Variants in NCAN observed in about 807,000 individuals in gnomAD.
NCAN encodes neurocan.
NCAN carries 47 observed loss-of-function variants against 121.8 expected under a neutral mutation model. The ratio of observed to expected loss-of-function variants is 0.39; its 90% CI spans 0.31 to 0.49. NCAN has a LOEUF of 0.49. Ranked by LOEUF, NCAN falls within the 20% of genes least tolerant of loss-of-function variation. The pLI is 0.92. For synonymous variants in NCAN, 633 were observed against 702.0 expected, an observed-to-expected ratio of 0.90 and a Z score of 1.55; for missense variants, 1,517 against 1,773.4, an observed-to-expected ratio of 0.86 and a Z score of 2.60.
chr19:19,249,045 TTGTGTGTGTGTGTGTGTGTG>T lies in NCAN; in HGVS notation c.3820+179_3820+198del, dbSNP rs112544518. ...CCAGCCTGTCTGATGTTTCCTTCAT[TTGTGTGTGTGTGTGTGTGTG>T]TGTGTGTGTGTGTGTATGTGTATGA... is the stretch of plus-strand genomic sequence containing the variant. On this transcript the variant is annotated intron_variant, in intron 14 of 14. Coordinates refer to ENST00000252575, the MANE Select transcript of NCAN (RefSeq NM_004386.3). 34 of 549,400 alleles carry T rather than the reference TTGTGTGTGTGTGTGTGTGTG, an allele frequency of 6.2e-5. No individual in the cohort carries two copies. The East Asian group carries it at 8.7e-4, about 14-fold the overall frequency. 34.0% of individuals were successfully genotyped at this position (549,400 alleles called of 1,614,324 possible).
At position 19,228,558 on chromosome 19, in the gene NCAN, G is replaced by T. The variant is rs1459975912; in HGVS notation, c.2938G>T (p.Val980Leu). 2 of 1,613,168 alleles carry T rather than the reference G, an allele frequency of 1.2e-6. No individual in the cohort carries two copies. Among genetic ancestry groups the T allele is most frequent in the East Asian group, 2.2e-5 (1 of 44,882 alleles). ...GGAGGTCCTGGCAGGGAGCCCGGGT[G>T]TAGAGAGCTTCTGGGAGGAGGTGGC... ...ELEVLAGSPG[V>L]ESFWEEVASG... is the part of the protein sequence containing the mutation. Residue 980 changes from valine (V) to leucine (L), a missense_variant, in exon 8 of 15, where the codon GTA becomes TTA. Val to Leu is a conservative substitution (Grantham distance 32). Transcript: ENST00000252575.
rs1413243789 is a variant in NCAN at position 19,235,583 on chromosome 19, A to T, written c.3250+487A>T. Among the ~76,000 whole-genome samples, 547 of 123,424 alleles carry T rather than the reference A, an allele frequency of 4.4e-3. 3 individuals are homozygous for T. The highest frequency in any genetic ancestry group is 0.015 in the African/African-American group (487 of 32,272). The allele number at this position is 123,424 out of a possible 152,430, so 81.0% of individuals were successfully genotyped here. A position where few individuals can be genotyped will look rare whatever the true frequency, so the allele number is the denominator to read the frequency against. On this transcript the variant is annotated intron_variant, in intron 10 of 14. Transcript: ENST00000252575. ...CACTGCGCCTGCCCTATTTTATTTTATTTTTTTTTTTTGAGACAGAGTCTC... is the reference window on the plus strand; with the variant it reads ...CACTGCGCCTGCCCTATTTTATTTTTTTTTTTTTTTTTGAGACAGAGTCTC...
rs1368286698 is a variant in NCAN at position 19,218,936 on chromosome 19, C to T, written c.95C>T (p.Ala32Val). 2 of 1,520,768 alleles carry T rather than the reference C, an allele frequency of 1.3e-6. No individual in the cohort carries two copies. The highest frequency in any genetic ancestry group is 1.3e-5 in the South Asian group (1 of 75,918). 94.2% of individuals were successfully genotyped at this position (1,520,768 alleles called of 1,614,324 possible). A position where few individuals can be genotyped will look rare whatever the true frequency, so the allele number is the denominator to read the frequency against. Residue 32 changes from alanine to valine, a missense_variant, in exon 3 of 15, where the codon GCC becomes GTC. Transcript: ENST00000252575. ...GEQGTQDITD[A>V]SERGLHMQKL... is the part of the protein sequence containing the mutation. ...CCAGGCACACAGGATATCACCGATG[C>T]CAGCGAAAGGGGGCTCCACATGCAG...
chr19:19,212,348 G>A lies in NCAN; in HGVS notation c.-8+284G>A, dbSNP rs538861522. ...GGGGGTGGGTCTCAGGGTTGAGGAG[G>A]GAGCAATGGGAAACAGGGCTAGGGG... On this transcript the variant is annotated intron_variant, in intron 1 of 14. Transcript: ENST00000252575. This position sits in a 1 kb window ranked among gnomAD's most constrained non-coding sequence, Gnocchi z 4.5. Among the ~76,000 whole-genome samples, 72 of 152,128 alleles carry A rather than the reference G, an allele frequency of 4.7e-4. No homozygotes were observed. Among genetic ancestry groups the A allele is most frequent in the African/African-American group, 1.6e-3 (67 of 41,500 alleles).
intron 1 of NCAN, among the ~76,000 whole-genome samples, chr19:19,214,232 TCACA>T (rs893547154): frequency 1.3e-5 from 2 of 151,944 alleles, no homozygotes; most frequent in African/African-American, 2.4e-5. Flanking sequence ...ACACACTCTC[TCACA>T]CACACACATT....
chr19:19,249,243 G>C (rs2060937589), intron 14 of NCAN, among the ~76,000 whole-genome samples: 2 of 152,032 alleles, frequency 1.3e-5, no homozygotes, highest in East Asian at 1.9e-4. Flanking sequence ...GCTAATTTTT[G>C]TATTTTTAGT....
Position 19,219,086 on chromosome 19 carries a change from G to T in NCAN, c.245G>T (p.Arg82Leu), listed in dbSNP as rs752908137. The change falls in exon 3 of 15, where the codon CGG becomes CTG. Residue 82 changes from arginine (R) to leucine (L), a missense_variant. Physicochemically the swap from Arg to Leu is moderately radical, Grantham distance 102. Coordinates refer to ENST00000252575, the MANE Select transcript of NCAN (RefSeq NM_004386.3). ...CCTCGGATAAAGTGGACCAAGGTGC[G>T]GACTGCGTCGGGCCAGCGACAGGAC... ...DAPRIKWTKV[R>L]TASGQRQDLP... is the part of the protein sequence containing the mutation. 1.2e-5 allele frequency: 20 copies of T among 1,612,032 alleles called. No individual in the cohort carries two copies. The highest frequency in any genetic ancestry group is 1.6e-4 in the Middle Eastern group (1 of 6,072).
At chr19:19,244,841 G>A (rs2060918549) in intron 12 of NCAN, among the ~76,000 whole-genome samples, 1 of 150,226 alleles carries the variant, frequency 6.7e-6, no homozygotes, top group African/African-American at 2.5e-5. Flanking sequence ...CAATTCTCCT[G>A]CTGGGATTAC....
At chr19:19,239,887 C>A (rs2060897101) in intron 11 of NCAN, among the ~76,000 whole-genome samples, 1 of 140,838 alleles carries the variant, frequency 7.1e-6, no homozygotes, top group Non-Finnish European at 1.6e-5. Flanking sequence ...CATCTTTCTC[C>A]TCCTTTCTCC....
rs373800963 is a variant in NCAN, at chr19:19,224,123, G to A, written c.578G>A (p.Arg193Gln). Residue 193 changes from arginine to glutamine, a missense_variant, in exon 4 of 15, where the codon CGG (arginine) becomes CAG (glutamine). By Grantham distance (43) the Arg-to-Gln change is conservative. Coordinates refer to ENST00000252575, the MANE Select transcript of NCAN (RefSeq NM_004386.3). ...RLSSAIIAAP[R>Q]HLQAAFEDGF... ...AGCTCAGCCATCATTGCAGCCCCTC[G>A]GCATCTACAGGCTGCCTTTGAGGAT... 6 of 1,609,266 alleles carry A rather than the reference G, an allele frequency of 3.7e-6. No homozygotes were observed. The highest frequency in any genetic ancestry group is 2.7e-5 in the African/African-American group (2 of 74,994).
At position 19,249,752 on chromosome 19, in the gene NCAN, T is replaced by A. The variant is rs1371106922; in HGVS notation, c.3821-14T>A. 22 of 1,589,404 alleles carry A rather than the reference T, an allele frequency of 1.4e-5. No individual in the cohort carries two copies. The highest frequency in any genetic ancestry group is 1.9e-5 in the Non-Finnish European group (22 of 1,169,194). On this transcript the variant is annotated splice_polypyrimidine_tract_variant and intron_variant, in intron 14 of 14. Coordinates refer to ENST00000252575, the MANE Select transcript of NCAN (RefSeq NM_004386.3). ...CCTTTTGTCCCTTCCCTGTCCTCCC[T>A]CACTTCCCTGCAGCCAGACGTTCAC...
In NCAN at chr19:19,233,883, C is replaced by T. The variant is rs199741597; in HGVS notation, c.3114C>T (p.Phe1038=). Residue 1038 remains phenylalanine, a synonymous_variant, in exon 9 of 15, where the codon TTC becomes TTT. Transcript: ENST00000252575. ...ATGGCTGTAGCTGTGATCAGGGCTT[C>T]GCCGGGGAGAACTGTGAGATTGGTG... is the stretch of plus-strand genomic sequence containing the variant. ...TMYGCSCDQG[F]AGENCEIDID... is the part of the protein sequence containing the mutation. 219 of 1,612,580 alleles carry T rather than the reference C, an allele frequency of 1.4e-4. No homozygotes were observed. The East Asian group carries it at 2.3e-3, about 17-fold the overall frequency.
intron 8 of NCAN, among the ~76,000 whole-genome samples, chr19:19,230,166 T>G (rs2060852836): frequency 6.6e-6 from 1 of 151,936 alleles, no homozygotes; most frequent in Non-Finnish European, 1.5e-5. Context: ...TGCCTCAACC[T>G]TCTGAGTAGC....
At position 19,240,736 on chromosome 19, in the gene NCAN, C is replaced by T. The variant is rs1387371870; in HGVS notation, c.3492+51C>T. On this transcript the variant is annotated intron_variant, in intron 12 of 14. Coordinates refer to ENST00000252575, the MANE Select transcript of NCAN (RefSeq NM_004386.3). ...GGCTGCTGAGCCACATCAGCCCTGC[C>T]ATCTGGCCTCAGTTTACCCTTTTGT... 2.6e-6 allele frequency: 4 copies of T among 1,564,752 alleles called. No individual in the cohort carries two copies. In the South Asian group the frequency reaches 3.3e-5, roughly 13 times the overall value.
chr19:19,220,861 G>A (rs989207377), intron 3 of NCAN, among the ~76,000 whole-genome samples: 1 of 151,924 alleles, frequency 6.6e-6, no homozygotes, highest in South Asian at 2.1e-4. Context: ...CTTCAGCCAG[G>A]AATTCAAGAC....
chr19:19,221,333 T>G (rs554729416), intron 3 of NCAN, among the ~76,000 whole-genome samples: 16 of 150,912 alleles, frequency 1.1e-4, no homozygotes, highest in African/African-American at 3.4e-4. Context: ...AGGTCAGGAG[T>G]TCGAGACCAG....
rs1177875234 is a variant in NCAN at position 19,224,800 on chromosome 19, C to T, written c.779-177C>T. ...ATTTGTAAAAAGAGGCTTAGCTCTGCATGAGAGGTAAGGACAAGGATGATC... is the reference window on the plus strand; with the variant it reads ...ATTTGTAAAAAGAGGCTTAGCTCTGTATGAGAGGTAAGGACAAGGATGATC... On this transcript the variant is annotated intron_variant, in intron 5 of 14. Coordinates refer to ENST00000252575, the MANE Select transcript of NCAN (RefSeq NM_004386.3). Among the ~76,000 whole-genome samples, 3 of 152,306 alleles carry T rather than the reference C, an allele frequency of 2.0e-5. No individual in the cohort carries two copies. In the East Asian group the frequency reaches 5.8e-4, roughly 29 times the overall value.
At chr19:19,243,949 C>A (rs182222299) in intron 12 of NCAN, among the ~76,000 whole-genome samples, 3 of 149,830 alleles carry the variant, frequency 2.0e-5, no homozygotes, top group Non-Finnish European at 4.5e-5. Flanking sequence ...TTGCTTGAAC[C>A]GGGACCTGGG....
At chr19:19,216,210 G>A (rs1448067239) in intron 1 of NCAN, among the ~76,000 whole-genome samples, 1 of 152,040 alleles carries the variant, frequency 6.6e-6, no homozygotes, top group African/African-American at 2.4e-5. Flanking sequence ...GTGTGGTGGT[G>A]GAATCATAGC....
Sources: gnomAD v4.1 joint callset for allele counts (sites outside exome capture counted in the v4.1 genomes callset) on GRCh38, gnomAD v4.1.1 for gene constraint, Gnocchi (gnomAD v3.1) non-coding constraint, MANE v1.5 for transcripts, NCBI Gene and HGNC (gene_info 2026-07-23, HGNC 2026-07-21) for gene names.